The following RPS6KC1 variants were observed in gnomAD, a reference collection of about 807,000 sequenced individuals.
RPS6KC1 encodes inactive ribosomal protein S6 kinase delta-1.
In RPS6KC1, 54 loss-of-function variants were observed where a neutral mutation model predicts 103.8. The ratio of observed to expected loss-of-function variants is 0.52; its 90% CI spans 0.42 to 0.65. The LOEUF is 0.65. Among genes scored for constraint, RPS6KC1 ranks in the 30% least tolerant of loss-of-function variants. The pLI, the probability that RPS6KC1 is intolerant of heterozygous loss-of-function variation, is 0.00. For synonymous variants in RPS6KC1, 439 were observed against 438.7 expected (o/e 1.00, Z -0.01); for missense variants, 1,151 against 1,253.8 (o/e 0.92, Z 1.24).
chr1:213,598,782 A>G, the RPS6KC1 span, among the ~76,000 whole-genome samples: 1 of 152,028 alleles, frequency 6.6e-6, no homozygotes, highest in Non-Finnish European at 1.5e-5. Context: ...GCCAGGCATG[A>G]TGGTGGCACA....
intron 12 of RPS6KC1, among the ~76,000 whole-genome samples, chr1:213,252,874 T>C (rs1342433176): frequency 6.6e-6 from 1 of 152,210 alleles, no homozygotes; most frequent in Non-Finnish European, 1.5e-5. Context: ...ACTTATGTGA[T>C]AAATTCTTCC....
At chr1:213,774,354 G>A in the RPS6KC1 span, among the ~76,000 whole-genome samples, 228 of 152,292 alleles carry the variant, frequency 1.5e-3, no homozygotes, top group Middle Eastern at 3.4e-3. Context: ...TGTGATTTCA[G>A]AATACAAACT....
At chr1:213,088,981 G>C (rs1035053322) in intron 3 of RPS6KC1, among the ~76,000 whole-genome samples, 2 of 152,184 alleles carry the variant, frequency 1.3e-5, no homozygotes, top group East Asian at 3.8e-4. Flanking sequence ...ATTTGTGCCA[G>C]AATGAAGTGA....
At chr1:213,491,557 C>G in the RPS6KC1 span, among the ~76,000 whole-genome samples, 1 of 152,086 alleles carries the variant, frequency 6.6e-6, no homozygotes, top group East Asian at 1.9e-4. Context: ...AACAAACAAA[C>G]AAACAAACAA....
chr1:213,185,801 C>T (rs2092500001), intron 8 of RPS6KC1, among the ~76,000 whole-genome samples: 1 of 147,732 alleles, frequency 6.8e-6, no homozygotes, highest in Non-Finnish European at 1.5e-5. Flanking sequence ...GTGGTTCTGT[C>T]TGTCTTTGTG....
chr1:213,834,067 A>T, the RPS6KC1 span, among the ~76,000 whole-genome samples: 4 of 152,118 alleles, frequency 2.6e-5, no homozygotes, highest in Admixed American at 6.5e-5. Context: ...ATGAGGTCTC[A>T]TTCTATTATT....
intron 8 of RPS6KC1, among the ~76,000 whole-genome samples, chr1:213,198,435 G>A (rs2093034292): frequency 6.6e-6 from 1 of 152,168 alleles, no homozygotes. Flanking sequence ...TGCCTTAGGT[G>A]ATGATCTTTT....
chr1:213,499,362 A>G, the RPS6KC1 span, among the ~76,000 whole-genome samples: 4 of 152,232 alleles, frequency 2.6e-5, no homozygotes, highest in African/African-American at 4.8e-5. Context: ...CCGGCCCCCA[A>G]CCTTTTTGGC....
chr1:213,304,782 C>T, the RPS6KC1 span, among the ~76,000 whole-genome samples: 2 of 152,268 alleles, frequency 1.3e-5, no homozygotes, highest in African/African-American at 4.8e-5. Flanking sequence ...CTGAGGTGAT[C>T]CGCCTGCCTT....
chr1:213,569,500 C>T, the RPS6KC1 span, among the ~76,000 whole-genome samples: 4 of 152,120 alleles, frequency 2.6e-5, no homozygotes, highest in African/African-American at 9.7e-5. Flanking sequence ...GAACAGAAGG[C>T]TCTTTTGTGT....
the RPS6KC1 span, among the ~76,000 whole-genome samples, chr1:213,545,286 G>A: frequency 2.0e-5 from 3 of 151,748 alleles, no homozygotes; most frequent in African/African-American, 4.8e-5. Flanking sequence ...CAGGAGAATC[G>A]CTTGAACCCA....
At chr1:213,404,479 C>T in the RPS6KC1 span, among the ~76,000 whole-genome samples, 1 of 152,182 alleles carries the variant, frequency 6.6e-6, no homozygotes, top group Non-Finnish European at 1.5e-5. Context: ...TTACATTCCT[C>T]CTCCCCTCCC....
chr1:213,691,280 A>T, the RPS6KC1 span, among the ~76,000 whole-genome samples: 3 of 152,226 alleles, frequency 2.0e-5, no homozygotes, highest in African/African-American at 7.2e-5. Context: ...TTTTTAATGT[A>T]AACCTCCAAA....
the RPS6KC1 span, among the ~76,000 whole-genome samples, chr1:213,411,041 G>A: frequency 6.6e-6 from 1 of 152,122 alleles, no homozygotes; most frequent in Non-Finnish European, 1.5e-5. Flanking sequence ...GGACCAGGAT[G>A]GAGAGGAAGG....
In RPS6KC1 at chr1:213,231,194, G is replaced by T. The variant is rs181857965; in HGVS notation, c.1092+650G>T. ...CATCTCAAGAACATTTTGTTTAATT[G>T]TGAAGACTACACACAGTCTCACCTT... is the stretch of plus-strand genomic sequence containing the variant. On this transcript the variant is annotated intron_variant, in intron 9 of 14. Transcript: ENST00000366960. 3.0e-3 allele frequency among the ~76,000 whole-genome samples: 455 copies of T among 152,272 alleles called. 2 individuals are homozygous for T. The highest frequency in any genetic ancestry group is 4.9e-3 in the Non-Finnish European group (335 of 68,002).
chr1:213,788,153 G>A, the RPS6KC1 span, among the ~76,000 whole-genome samples: 1 of 152,086 alleles, frequency 6.6e-6, no homozygotes, highest in African/African-American at 2.4e-5. Context: ...CACATTGGGG[G>A]TCATGAAGAC....
At chr1:213,862,672 A>G in the RPS6KC1 span, among the ~76,000 whole-genome samples, 1 of 152,238 alleles carries the variant, frequency 6.6e-6, no homozygotes, top group South Asian at 2.1e-4. Context: ...GTTTACATGT[A>G]AATAACTCAC....
chr1:213,648,246 C>T, the RPS6KC1 span, among the ~76,000 whole-genome samples: 1 of 152,108 alleles, frequency 6.6e-6, no homozygotes, highest in East Asian at 1.9e-4. Flanking sequence ...CTGCATTGCC[C>T]TTGAGTGCCT....
the RPS6KC1 span, among the ~76,000 whole-genome samples, chr1:213,666,555 A>T: frequency 6.6e-6 from 1 of 152,328 alleles, no homozygotes; most frequent in African/African-American, 2.4e-5. Flanking sequence ...TACTTATCTA[A>T]TTATATTTTA....
Sources: allele counts gnomAD v4.1 joint callset (sites outside exome capture counted in the v4.1 genomes callset), GRCh38; gene constraint gnomAD v4.1.1; transcripts MANE v1.5; gene names NCBI Gene and HGNC (gene_info 2026-07-23, HGNC 2026-07-21).